The following IMPG2 variants were observed in gnomAD, a reference collection of about 807,000 sequenced individuals.
IMPG2 encodes interphotoreceptor matrix proteoglycan 2, also known as IPM 200.
IMPG2 carries 91 observed loss-of-function variants against 129.2 expected under a neutral mutation model. That is an observed-to-expected ratio of 0.70 (90% CI 0.59 to 0.84). The LOEUF (loss-of-function observed/expected upper bound fraction) is 0.84, where lower values mean the gene tolerates loss of function less well. Ranked by LOEUF, IMPG2 falls within the 40% of genes least tolerant of loss-of-function variation. The pLI, the probability that IMPG2 is intolerant of heterozygous loss-of-function variation, is 0.00. For synonymous variants in IMPG2, 510 were observed against 517.7 expected, an observed-to-expected ratio of 0.99 and a Z score of 0.20; for missense variants, 1,430 against 1,461.7, an observed-to-expected ratio of 0.98 and a Z score of 0.35.
intron 4 of IMPG2, among the ~76,000 whole-genome samples, chr3:101,289,164 G>T (rs1706978896): frequency 6.6e-6 from 1 of 152,110 alleles, no homozygotes; most frequent in African/African-American, 2.4e-5. Flanking sequence ...GAAGAGTCAG[G>T]CTTTAGGTAT....
chr3:101,255,172 T>C (rs897714255), intron 10 of IMPG2, among the ~76,000 whole-genome samples: 1 of 152,086 alleles, frequency 6.6e-6, no homozygotes. Context: ...ACAAGGAGGA[T>C]CATATCTTTT....
At chr3:101,267,389 G>T in intron 9 of IMPG2, 122 bp downstream of exon 9, 1 of 860,786 alleles carries the variant, frequency 1.2e-6, no homozygotes, top group Non-Finnish European at 1.9e-6. Flanking sequence ...ATCTGAAAAA[G>T]TCAGACAGTG....
At chr3:101,312,182 G>A (rs2107143290) in intron 2 of IMPG2, among the ~76,000 whole-genome samples, 1 of 151,930 alleles carries the variant, frequency 6.6e-6, no homozygotes, top group East Asian at 1.9e-4. Flanking sequence ...AGATAAATTG[G>A]ACTTCATCAA....
intron 4 of IMPG2, among the ~76,000 whole-genome samples, chr3:101,283,764 A>G (rs1197858354): frequency 2.6e-5 from 4 of 152,242 alleles, no homozygotes. Context: ...ACAAAACAAA[A>G]CAAAAAACTC....
rs2107251067 is a variant in IMPG2, at chr3:101,273,647, G to A, written c.762C>T (p.Tyr254=). 6.2e-7 allele frequency: 1 copy of A among 1,614,010 alleles called. No homozygotes were observed. Among genetic ancestry groups the A allele is most frequent in the East Asian group, 2.2e-5 (1 of 44,872 alleles). The change falls in exon 7 of 19, where the codon TAC becomes TAT. Residue 254 remains tyrosine, a synonymous_variant. Coordinates refer to ENST00000193391, the MANE Select transcript of IMPG2 (RefSeq NM_016247.4). ...TGGAGGAATCCTGTAGTTCTTCCCT[G>A]TACTGCTTCCCCAAAAGGTGGATAC... is the stretch of plus-strand genomic sequence containing the variant. ...EFSIHLLGKQ[Y]REELQDSSSF... is the part of the protein sequence containing the mutation.
At chr3:101,232,300 C>T (rs548878743) in intron 15 of IMPG2, among the ~76,000 whole-genome samples, 46 of 151,794 alleles carry the variant, frequency 3.0e-4, no homozygotes, top group Non-Finnish European at 5.3e-4. Flanking sequence ...TGCAGTGGCA[C>T]GATCTCAGCT....
intron 6 of IMPG2, among the ~76,000 whole-genome samples, chr3:101,274,017 A>G (rs957570743): frequency 1.3e-5 from 2 of 152,006 alleles, no homozygotes; most frequent in African/African-American, 4.8e-5. Flanking sequence ...GGCCAACTGA[A>G]ACCCCATCTC....
rs139214301 is a variant in IMPG2, at chr3:101,239,766, G to A, written c.3022+2922C>T. On this transcript the variant is annotated intron_variant, in intron 14 of 18. Coordinates refer to ENST00000193391, the MANE Select transcript of IMPG2 (RefSeq NM_016247.4). The stretch of plus-strand genomic sequence containing the variant: ...TAAAAAGGATGAGTTCGTGTCCTTT[G>A]CAGGGACATGGATTAAGCTGGAAAC... Among the ~76,000 whole-genome samples, 1,022 of 152,290 alleles carry A rather than the reference G, an allele frequency of 6.7e-3. 11 individuals carry two copies. The highest frequency in any genetic ancestry group is 0.017 in the African/African-American group (713 of 41,556).
At position 101,250,998 on chromosome 3, in the gene IMPG2, CT is replaced by C. The variant is rs1200946230; in HGVS notation, c.1239+2697del. Among the ~76,000 whole-genome samples the C allele has an allele frequency of 2.0e-5, 3 of 152,218 alleles. No homozygotes were observed. The South Asian group carries it at 6.2e-4, about 32-fold the overall frequency. On this transcript the variant is annotated intron_variant, in intron 11 of 18. Transcript: ENST00000193391. The stretch of plus-strand genomic sequence containing the variant: ...TGATCATACCATAAGAGGGAATTAA[CT>C]TTTTTCCTTTTAATTGTCTAAAACT...
chr3:101,278,403 G>A (rs1706860221), intron 4 of IMPG2, among the ~76,000 whole-genome samples: 1 of 152,150 alleles, frequency 6.6e-6, no homozygotes, highest in African/African-American at 2.4e-5. Flanking sequence ...CTGCTCTAAA[G>A]TAGATTACAG....
At position 101,229,360 on chromosome 3, in the gene IMPG2, A is replaced by G. The variant is rs751884208; in HGVS notation, c.3633+20T>C. On this transcript the variant is annotated intron_variant, in intron 17 of 18. Transcript: ENST00000193391. The stretch of plus-strand genomic sequence containing the variant: ...CACCAGCAGTAGCTGCGACAGCAAC[A>G]TAAATGCAAAGTTTCCCACCTCTCT... 3.5e-6 allele frequency: 5 copies of G among 1,448,926 alleles called. No homozygotes were observed. The East Asian group carries it at 1.3e-4, about 39-fold the overall frequency. 89.8% of individuals were successfully genotyped at this position (1,448,926 alleles called of 1,614,324 possible). A position where few individuals can be genotyped will look rare whatever the true frequency, so the allele number is the denominator to read the frequency against.
At chr3:101,314,595 A>T (rs371691498) in intron 2 of IMPG2, among the ~76,000 whole-genome samples, 6 of 152,112 alleles carry the variant, frequency 3.9e-5, no homozygotes, top group African/African-American at 1.4e-4. Context: ...CCAGGCATGG[A>T]TGGCCATTCC....
At chr3:101,257,468 T>A in intron 10 of IMPG2, 61 bp downstream of exon 10, 1 of 1,595,596 alleles carries the variant, frequency 6.3e-7, no homozygotes, top group South Asian at 1.1e-5. Context: ...GAAATTAGTT[T>A]ACACCAGAGC....
intron 16 of IMPG2, among the ~76,000 whole-genome samples, chr3:101,229,878 A>C (rs1706267779): frequency 1.3e-5 from 2 of 152,230 alleles, no homozygotes; most frequent in Admixed American, 6.5e-5. Flanking sequence ...TATGTCTGCC[A>C]GTAGATGGTG....
At chr3:101,262,159 A>T (rs1407490140) in intron 9 of IMPG2, among the ~76,000 whole-genome samples, 1 of 152,120 alleles carries the variant, frequency 6.6e-6, no homozygotes, top group Admixed American at 6.6e-5. Context: ...GGAGAAACTC[A>T]GACATCTCTT....
intron 11 of IMPG2, among the ~76,000 whole-genome samples, chr3:101,251,379 C>T (rs1362845950): frequency 6.6e-6 from 1 of 152,106 alleles, no homozygotes; most frequent in South Asian, 2.1e-4. Context: ...GAAAGACCAT[C>T]CCTTCCAGGA....
At chr3:101,228,290 T>C (rs913910373) in intron 18 of IMPG2, among the ~76,000 whole-genome samples, 4 of 152,194 alleles carry the variant, frequency 2.6e-5, no homozygotes, top group African/African-American at 9.6e-5. Flanking sequence ...CAAAGCATAC[T>C]GAAAAGTATC....
chr3:101,307,118 T>C (rs1038707133), intron 2 of IMPG2, among the ~76,000 whole-genome samples: 2 of 152,090 alleles, frequency 1.3e-5, no homozygotes, highest in African/African-American at 4.8e-5. Context: ...GAGATAAAAA[T>C]AGCCAATGAG....
chr3:101,264,117 G>A (rs549512973), intron 9 of IMPG2, among the ~76,000 whole-genome samples: 2 of 152,054 alleles, frequency 1.3e-5, no homozygotes, highest in Admixed American at 1.3e-4. Context: ...GAAAAGTCCA[G>A]GACTGGATTG....
Sources: allele counts gnomAD v4.1 joint callset (sites outside exome capture counted in the v4.1 genomes callset), GRCh38; gene constraint gnomAD v4.1.1; transcripts MANE v1.5; gene names NCBI Gene and HGNC (gene_info 2026-07-23, HGNC 2026-07-21).